Variants in SUPT5H observed in about 807,000 individuals in gnomAD.
SUPT5H encodes SPT5 homolog, DSIF elongation factor subunit.
In SUPT5H, 24 loss-of-function variants were observed where a neutral mutation model predicts 142.5. The observed-to-expected ratio is 0.17, with a 90% CI of 0.12 to 0.24. The LOEUF (loss-of-function observed/expected upper bound fraction) is 0.24, where lower values mean the gene tolerates loss of function less well. Among genes scored for constraint, SUPT5H ranks in the 10% least tolerant of loss-of-function variants. The pLI, the probability that SUPT5H is intolerant of heterozygous loss-of-function variation, is 1.00. For missense variants in SUPT5H, 893 were observed against 1,471.8 expected (o/e 0.61, Z 6.43); for synonymous variants, 546 against 553.0 (o/e 0.99, Z 0.18).
At position 39,454,138 on chromosome 19, in the gene SUPT5H, G is replaced by A. The variant is rs148283196; in HGVS notation, c.241+617G>A. On this transcript the variant is annotated intron_variant, in intron 3 of 29. Transcript: ENST00000432763. ...CTTGAGATACCTATAGCTGTAATGT[G>A]CTGTGAAAGAGCCAGTGACACAGCT... Among the ~76,000 whole-genome samples the A allele has an allele frequency of 5.3e-5, 8 of 152,300 alleles. No homozygotes were observed. In the East Asian group the frequency reaches 1.5e-3, roughly 29 times the overall value.
chr19:39,467,868 C>T (rs555372776), intron 13 of SUPT5H: 2 of 152,334 alleles, frequency 1.3e-5, no homozygotes, highest in Admixed American at 1.3e-4. Context: ...GCTAATACTT[C>T]ACCTGCCTGA....
chr19:39,448,439 A>G (rs143288885), intron 2 of SUPT5H, among the ~76,000 whole-genome samples: 67 of 152,238 alleles, frequency 4.4e-4, no homozygotes, highest in African/African-American at 1.4e-3. Flanking sequence ...GCTTGGAGAC[A>G]CTGCTTGGTG....
chr19:39,459,830 C>CCCTTTCCTGTGT, intron 9 of SUPT5H, 62 bp from the exon 10 acceptor site: 4 of 1,567,758 alleles, frequency 2.6e-6, no homozygotes, highest in Non-Finnish European at 3.5e-6. Flanking sequence ...GTCTCCTTCC[C>CCCTTTCCTGTGT]CCTTTCCTGT....
At position 39,468,746 on chromosome 19, in the gene SUPT5H, C is replaced by T. The variant is rs766596141; in HGVS notation, c.1038-10C>T. 6.2e-7 allele frequency: 1 copy of T among 1,612,438 alleles called. No individual in the cohort carries two copies. The highest frequency in any genetic ancestry group is 8.5e-7 in the Non-Finnish European group (1 of 1,178,584). On this transcript the variant is annotated splice_polypyrimidine_tract_variant and intron_variant, in intron 13 of 29. Transcript: ENST00000432763. ...TCCCTTCTAATCTTCTCTCCCCCAT[C>T]AAATTCCAGGTCCCTGGGGGGTGAT...
At chr19:39,448,953 G>GTA (rs2078986149) in intron 2 of SUPT5H, among the ~76,000 whole-genome samples, 2 of 144,276 alleles carry the variant, frequency 1.4e-5, no homozygotes, top group South Asian at 4.6e-4. Flanking sequence ...AAATTAGCGT[G>GTA]GTGGTGGGTG....
chr19:39,464,571 A>C (rs991143079), intron 10 of SUPT5H, among the ~76,000 whole-genome samples: 1 of 152,208 alleles, frequency 6.6e-6, no homozygotes, highest in Non-Finnish European at 1.5e-5. Flanking sequence ...TGGTACATTA[A>C]GCCATAAGTT....
chr19:39,455,678 A>C (rs2079078681), intron 3 of SUPT5H, among the ~76,000 whole-genome samples: 1 of 147,066 alleles, frequency 6.8e-6, no homozygotes, highest in Admixed American at 6.9e-5. Context: ...GCTGGGGTGC[A>C]GTGGTGCAAT....
Position 39,466,353 on chromosome 19 carries a change from G to T in SUPT5H, c.877-127G>T. On this transcript the variant is annotated intron_variant, in intron 11 of 29. Transcript: ENST00000432763. This position sits in a 1 kb window ranked among gnomAD's most constrained non-coding sequence, Gnocchi z 4.3. Reference sequence around the variant, plus strand: ...AGCTAGCGTGGGACTTTTGGGAGTGGTCAGCAGCCTGGTTTCTTCCCCACC... The same window carrying T: ...AGCTAGCGTGGGACTTTTGGGAGTGTTCAGCAGCCTGGTTTCTTCCCCACC... The T allele has an allele frequency of 1.2e-6, 1 of 856,776 alleles. No homozygotes were observed. Among genetic ancestry groups the T allele is most frequent in the Non-Finnish European group, 1.9e-6 (1 of 530,834 alleles). The allele number at this position is 856,776 out of a possible 1,614,324, so 53.1% of individuals were successfully genotyped here.
rs760027648 is a variant in SUPT5H at position 39,476,378 on chromosome 19, G to A, written c.3243G>A (p.Leu1081=). ...EQLKILNLRF[L]GKLLEA is the part of the protein sequence containing the mutation. ...TCAAGATCCTCAACCTCCGCTTCCT[G>A]GGGAAGCTCCTGGAAGCCTGAAGCA... Residue 1081 remains leucine (L), a synonymous_variant, in exon 30 of 30, where the codon CTG becomes CTA. Coordinates refer to ENST00000432763, the MANE Select transcript of SUPT5H (RefSeq NM_001111020.3). 4.3e-6 allele frequency: 7 copies of A among 1,614,112 alleles called. No homozygotes were observed. Among genetic ancestry groups the A allele is most frequent in the Non-Finnish European group, 5.9e-6 (7 of 1,180,038 alleles).
chr19:39,448,911 T>C (rs28637729), intron 2 of SUPT5H, among the ~76,000 whole-genome samples: 84,837 of 143,392 alleles, frequency 0.59, 26,531 homozygotes, highest in African/African-American at 0.74. Context: ...CTGGCTAACA[T>C]GGTGAAACCC....
intron 3 of SUPT5H, among the ~76,000 whole-genome samples, chr19:39,457,346 A>G (rs989805139): frequency 3.3e-5 from 5 of 152,230 alleles, no homozygotes; most frequent in African/African-American, 1.2e-4. Context: ...CCATCTTTTA[A>G]AAAACTATTT....
At position 39,445,788 on chromosome 19, in the gene SUPT5H, G is replaced by A; in HGVS notation, c.-87-16G>A. 5.0e-6 allele frequency: 7 copies of A among 1,405,588 alleles called. No homozygotes were observed. Among genetic ancestry groups the A allele is most frequent in the South Asian group, 3.7e-5 (3 of 82,184 alleles). 87.1% of individuals were successfully genotyped at this position (1,405,588 alleles called of 1,614,324 possible). A position where few individuals can be genotyped will look rare whatever the true frequency, so the allele number is the denominator to read the frequency against. On this transcript the variant is annotated splice_polypyrimidine_tract_variant and intron_variant, in intron 1 of 29. Transcript: ENST00000432763. ...CGAGCCTGCCGGAAGCGCCCTAAGG[G>A]GTTTTCTTCTCCCAGGGAACCAGCG...
rs34762912 is a variant in SUPT5H, at chr19:39,455,925, CTT to C, written c.242-1728_242-1727del. On this transcript the variant is annotated intron_variant, in intron 3 of 29. Transcript: ENST00000432763. ...CGTGAACCACTGCGCCCCGCCTCTT[CTT>C]TTTTTTTTTTTTTTTTTTTTTAAGA... Among the ~76,000 whole-genome samples the C allele has an allele frequency of 1.8e-3, 163 of 91,134 alleles. 1 individual carries two copies. The highest frequency in any genetic ancestry group is 7.5e-3 in the East Asian group (24 of 3,192). 59.8% of individuals were successfully genotyped at this position (91,134 alleles called of 152,430 possible). A position where few individuals can be genotyped will look rare whatever the true frequency, so the allele number is the denominator to read the frequency against.
intron 28 of SUPT5H, chr19:39,475,814 C>CCGTAT: frequency 2.1e-6 from 1 of 476,608 alleles, no homozygotes; most frequent in African/African-American, 2.0e-5. Context: ...GACGCTGAGG[C>CCGTAT]CAGTTTGGGA....
rs781656074 is a variant in SUPT5H, at chr19:39,469,342, A to G, written c.1318A>G (p.Ile440Val). The G allele has an allele frequency of 9.3e-6, 15 of 1,614,246 alleles. No individual in the cohort carries two copies. The highest frequency in any genetic ancestry group is 1.2e-5 in the Non-Finnish European group (14 of 1,180,050). ...TGAGCTCATCAACCTGCAGGGCAAG[A>G]TCCTCAGCGTGGATGGCAACAAGAT... is the stretch of plus-strand genomic sequence containing the variant. ...EGELINLQGK[I>V]LSVDGNKITI... Residue 440 changes from isoleucine (I) to valine (V), a missense_variant, in exon 16 of 30, where the codon ATC becomes GTC. This residue lies in a region of SUPT5H where 428 missense variants were observed against 763.5 expected (regional missense o/e 0.56). Transcript: ENST00000432763. The surrounding 1 kb of genome is among the most constrained non-coding windows in gnomAD (Gnocchi z 5.1).
intron 2 of SUPT5H, among the ~76,000 whole-genome samples, chr19:39,449,867 C>T (rs2078999248): frequency 6.6e-6 from 1 of 151,804 alleles, no homozygotes; most frequent in Non-Finnish European, 1.5e-5. Context: ...CTCAGAACTC[C>T]TGACCTCAAG....
Position 39,468,793 on chromosome 19 carries a change from C to G in SUPT5H, c.1075C>G (p.Leu359Val). 3.1e-6 allele frequency: 5 copies of G among 1,614,124 alleles called. No individual in the cohort carries two copies. The highest frequency in any genetic ancestry group is 4.2e-6 in the Non-Finnish European group (5 of 1,180,008). Reference sequence around the variant, plus strand: ...TGATGTTGCCTCTGATGGTGACTTCCTCATCTTTGAGGGGAACCGTTACAG... The same window carrying G: ...TGATGTTGCCTCTGATGGTGACTTCGTCATCTTTGAGGGGAACCGTTACAG... ...GGDVASDGDF[L>V]IFEGNRYSRK... is the part of the protein sequence containing the mutation. The change falls in exon 14 of 30, where the codon CTC (leucine) becomes GTC (valine). Residue 359 changes from leucine to valine, a missense_variant. Leu to Val is a conservative substitution (Grantham distance 32). Coordinates refer to ENST00000432763, the MANE Select transcript of SUPT5H (RefSeq NM_001111020.3).
Position 39,466,543 on chromosome 19 carries a change from G to A in SUPT5H, c.940G>A (p.Asp314Asn), listed in dbSNP as rs1312505327. Residue 314 changes from aspartate to asparagine, a missense_variant, in exon 12 of 30, where the codon GAT becomes AAT. Asp to Asn is a conservative substitution (Grantham distance 23). This residue lies in a region of SUPT5H where 428 missense variants were observed against 763.5 expected (regional missense o/e 0.56). Coordinates refer to ENST00000432763, the MANE Select transcript of SUPT5H (RefSeq NM_001111020.3). This position sits in a 1 kb window ranked among gnomAD's most constrained non-coding sequence, Gnocchi z 4.3. ...SLKMIPRIDY[D>N]RIKARMSLKD... ...GAAGATGATCCCACGCATCGACTAC[G>A]ATCGCATCAAGGCCCGCATGAGCTT... 2 of 1,614,110 alleles carry A rather than the reference G, an allele frequency of 1.2e-6. No homozygotes were observed. The highest frequency in any genetic ancestry group is 1.7e-6 in the Non-Finnish European group (2 of 1,180,016).
intron 3 of SUPT5H, among the ~76,000 whole-genome samples, chr19:39,456,971 A>G (rs2079098963): frequency 6.6e-6 from 1 of 152,234 alleles, no homozygotes; most frequent in African/African-American, 2.4e-5. Flanking sequence ...AGGGAGACTT[A>G]ATTGATACTT....
Sources: gnomAD v4.1 joint callset for allele counts (sites outside exome capture counted in the v4.1 genomes callset) on GRCh38, gnomAD v4.1.1 for gene constraint, gnomAD v4.1.1 regional missense constraint, Gnocchi (gnomAD v3.1) non-coding constraint, MANE v1.5 for transcripts, NCBI Gene and HGNC (gene_info 2026-07-23, HGNC 2026-07-21) for gene names.